Variants in GRIK5 observed in about 807,000 individuals in gnomAD.
GRIK5 encodes the protein glutamate ionotropic receptor kainate type subunit 5, also known as glutamate receptor ionotropic, kainate 5.
In GRIK5, 43 loss-of-function variants were observed where a neutral mutation model predicts 97.4. The ratio of observed to expected loss-of-function variants is 0.44; its 90% CI spans 0.35 to 0.57. GRIK5 has a LOEUF of 0.57. Ranked by LOEUF, GRIK5 falls within the 20% of genes least tolerant of loss-of-function variation. The probability of loss-of-function intolerance (pLI) is 0.01; values close to 1 mark genes in which losing one functional copy is unlikely to be tolerated. For synonymous variants in GRIK5, 580 were observed against 583.5 expected, an observed-to-expected ratio of 0.99 and a Z score of 0.09; for missense variants, 1,015 against 1,382.0, an observed-to-expected ratio of 0.73 and a Z score of 4.21.
At chr19:42,024,152 A>AGG (rs2075738498) in intron 12 of GRIK5, among the ~76,000 whole-genome samples, 3 of 151,254 alleles carry the variant, frequency 2.0e-5, no homozygotes, top group African/African-American at 7.3e-5. Flanking sequence ...GCCCTCCCCA[A>AGG]AGCAGCCTCC....
At chr19:42,048,197 T>C (rs2076067345) in intron 11 of GRIK5, among the ~76,000 whole-genome samples, 1 of 152,122 alleles carries the variant, frequency 6.6e-6, no homozygotes. Flanking sequence ...AAGAGAACTT[T>C]GGTAAAATTA....
At chr19:42,014,486 A>G (rs1260649703) in intron 15 of GRIK5, among the ~76,000 whole-genome samples, 1 of 152,096 alleles carries the variant, frequency 6.6e-6, no homozygotes, top group Admixed American at 6.6e-5. Context: ...CACTGTTTAT[A>G]AGAAACACAC....
In GRIK5 at chr19:41,999,188, ACAG is replaced by A; in HGVS notation, c.2623_2625del (p.Leu875del). The A allele has an allele frequency of 6.6e-7, 1 of 1,512,568 alleles. No individual in the cohort carries two copies. Among genetic ancestry groups the A allele is most frequent in the Non-Finnish European group, 8.8e-7 (1 of 1,138,210 alleles). 93.7% of individuals were successfully genotyped at this position (1,512,568 alleles called of 1,614,324 possible). A position where few individuals can be genotyped will look rare whatever the true frequency, so the allele number is the denominator to read the frequency against. ...CGCATCTCGCGGACCGCGCGCAGTG[ACAG>A]CAGGGCCCGGCTCGGGCCGCCCGGG... On this transcript the variant is annotated inframe_deletion, in exon 20 of 20. Transcript: ENST00000593562. This position sits in a 1 kb window ranked among gnomAD's most constrained non-coding sequence, Gnocchi z 5.0.
chr19:42,023,221 C>T (rs558591647), intron 12 of GRIK5, among the ~76,000 whole-genome samples: 13 of 151,888 alleles, frequency 8.6e-5, no homozygotes, highest in African/African-American at 2.2e-4. Flanking sequence ...AAGCCGGGTA[C>T]GGGAGAGATG....
chr19:42,053,688 G>A lies in GRIK5; in HGVS notation c.1183C>T (p.Arg395Cys), dbSNP rs374627096. Residue 395 changes from arginine (R) to cysteine (C), a missense_variant, in exon 11 of 20, where the codon CGC becomes TGC. Transcript: ENST00000593562. ...GTGGTGGCATTCATGGCCAGGGTGC[G>A]GTTAGAGTACCACACCCCAATCTAG... is the stretch of plus-strand genomic sequence containing the variant. The part of the protein sequence containing the change: ...HREIGVWYSN[R>C]TLAMNATTLD... 15 of 1,611,594 alleles carry A rather than the reference G, an allele frequency of 9.3e-6. No homozygotes were observed. The highest frequency in any genetic ancestry group is 6.7e-5 in the African/African-American group (5 of 74,894).
chr19:42,015,881 C>T (rs777038489), intron 15 of GRIK5, among the ~76,000 whole-genome samples: 4 of 152,166 alleles, frequency 2.6e-5, no homozygotes, highest in Non-Finnish European at 5.9e-5. Context: ...CCAGACCTCC[C>T]ACCCTCACAT....
chr19:42,014,862 C>T (rs2075606341), intron 15 of GRIK5, among the ~76,000 whole-genome samples: 1 of 152,114 alleles, frequency 6.6e-6, no homozygotes, highest in South Asian at 2.1e-4. Flanking sequence ...GGAAACCTGC[C>T]TGGGCAACAA....
At chr19:42,007,204 C>T (rs1171642131) in intron 15 of GRIK5, among the ~76,000 whole-genome samples, 1 of 151,566 alleles carries the variant, frequency 6.6e-6, no homozygotes, top group African/African-American at 2.4e-5. Context: ...AAGTGATTCT[C>T]CTGCCTCAGC....
At chr19:42,007,085 G>A (rs1555872899) in intron 15 of GRIK5, among the ~76,000 whole-genome samples, 1 of 152,024 alleles carries the variant, frequency 6.6e-6, no homozygotes, top group Admixed American at 6.6e-5. Flanking sequence ...ATAGAATACA[G>A]GAAACTTTTT....
intron 12 of GRIK5, among the ~76,000 whole-genome samples, chr19:42,038,755 T>C (rs904027691): frequency 6.6e-6 from 1 of 152,208 alleles, no homozygotes; most frequent in African/African-American, 2.4e-5. Flanking sequence ...TTATGTTAAG[T>C]AACACTTGAA....
intron 11 of GRIK5, among the ~76,000 whole-genome samples, chr19:42,053,352 T>C (rs2076140443): frequency 6.6e-6 from 1 of 152,226 alleles, no homozygotes; most frequent in African/African-American, 2.4e-5. Context: ...TTCATCAGGA[T>C]TGACCAGAGC....
At chr19:42,056,621 G>T in intron 8 of GRIK5, 41 bp downstream of exon 8, 2 of 1,583,152 alleles carry the variant, frequency 1.3e-6, no homozygotes, top group Non-Finnish European at 1.7e-6. Flanking sequence ...AAGTATCTGT[G>T]CAGAGTGTTT....
intron 6 of GRIK5, 31 bp from the exon 7 acceptor site, chr19:42,057,009 T>TC: frequency 6.5e-7 from 1 of 1,528,300 alleles, no homozygotes. Flanking sequence ...AGAGGCAGAG[T>TC]GAGAGACAGA....
chr19:42,009,304 G>A (rs920075314), intron 15 of GRIK5, among the ~76,000 whole-genome samples: 28 of 151,842 alleles, frequency 1.8e-4, no homozygotes, highest in South Asian at 2.1e-4. Context: ...GTGCAATGGC[G>A]CGATCTCGAC....
chr19:42,056,959 G>A lies in GRIK5; in HGVS notation c.707C>T (p.Thr236Ile), dbSNP rs1468553125. ...GAGGATGTACTTGTAAAACGCTGAGGTCATTCCCAGTTCCGAGGCCTGGAA... is the reference window on the plus strand; with the variant it reads ...GAGGATGTACTTGTAAAACGCTGAGATCATTCCCAGTTCCGAGGCCTGGAA... Reference protein sequence around the residue: ...ILRKASELGMTSAFYKYILTT... With the variant: ...ILRKASELGMISAFYKYILTT... The change falls in exon 7 of 20, where the codon ACC becomes ATC. Residue 236 changes from threonine (T) to isoleucine (I), a missense_variant. Physicochemically the swap from Thr to Ile is moderately conservative, Grantham distance 89 (BLOSUM62 -1). Around this residue, in one of 5 missense-constraint regions of GRIK5, gnomAD observed 477 missense variants for 701.1 expected, o/e 0.68. Transcript: ENST00000593562. 6.4e-7 allele frequency: 1 copy of A among 1,560,502 alleles called. No homozygotes were observed. The highest frequency in any genetic ancestry group is 8.7e-7 in the Non-Finnish European group (1 of 1,151,988).
At chr19:42,013,667 C>T (rs1429853232) in intron 15 of GRIK5, among the ~76,000 whole-genome samples, 1 of 152,088 alleles carries the variant, frequency 6.6e-6, no homozygotes, top group African/African-American at 2.4e-5. Flanking sequence ...ACCTCGGCCT[C>T]CCAAAGTGCT....
rs763005515 is a variant in GRIK5 at position 42,065,670 on chromosome 19, G to A, written c.79+22C>T. 4 of 1,545,566 alleles carry A rather than the reference G, an allele frequency of 2.6e-6. No homozygotes were observed. The highest frequency in any genetic ancestry group is 2.4e-5 in the South Asian group (2 of 84,106). On this transcript the variant is annotated intron_variant, in intron 2 of 19. Coordinates refer to ENST00000593562, the MANE Select transcript of GRIK5 (RefSeq NM_002088.5). This position sits in a 1 kb window ranked among gnomAD's most constrained non-coding sequence, Gnocchi z 5.8. ...AGCCCCAGGGCCTGAGGATGCAGGG[G>A]CAGGGTGCGGGAGGGCCTCACCCAT...
chr19:42,005,237 C>CAA (rs56825931), intron 17 of GRIK5, among the ~76,000 whole-genome samples: 1,282 of 87,924 alleles, frequency 0.015, 50 homozygotes, highest in South Asian at 0.036. Flanking sequence ...GACTCCGTCT[C>CAA]AAAAAAAAAA....
Position 42,006,833 on chromosome 19 carries a change from C to A in GRIK5, c.1872-23G>T. On this transcript the variant is annotated intron_variant, in intron 15 of 19. Coordinates refer to ENST00000593562, the MANE Select transcript of GRIK5 (RefSeq NM_002088.5). This position sits in a 1 kb window ranked among gnomAD's most constrained non-coding sequence, Gnocchi z 5.3. ...CACCTGAAGGGTGGGAGGGGTGAGT[C>A]ACGGGCTGGAGTCACCCCTGCTGAC... 1 of 1,567,546 alleles carries A rather than the reference C, an allele frequency of 6.4e-7. No individual in the cohort carries two copies. Among genetic ancestry groups the A allele is most frequent in the South Asian group, 1.2e-5 (1 of 84,808 alleles).
Sources: gnomAD v4.1 joint callset for allele counts (sites outside exome capture counted in the v4.1 genomes callset) on GRCh38, gnomAD v4.1.1 for gene constraint, gnomAD v4.1.1 regional missense constraint, Gnocchi (gnomAD v3.1) non-coding constraint, MANE v1.5 for transcripts, NCBI Gene and HGNC (gene_info 2026-07-23, HGNC 2026-07-21) for gene names.